The following UNC13C variants were observed in gnomAD, a reference collection of about 807,000 sequenced individuals.
The protein encoded by UNC13C is unc-13 homolog C.
Under a neutral mutation model 245.4 loss-of-function variants are expected in UNC13C, and 174 were observed. That is an observed-to-expected ratio of 0.71 (90% CI 0.63 to 0.80). The LOEUF (loss-of-function observed/expected upper bound fraction) is 0.80. Among genes scored for constraint, UNC13C ranks in the 30% least tolerant of loss-of-function variants. The probability of loss-of-function intolerance (pLI) is 0.00; values close to 1 mark genes in which losing one functional copy is unlikely to be tolerated. For synonymous variants in UNC13C, 992 were observed against 895.1 expected (o/e 1.11, Z -1.93); for missense variants, 2,829 against 2,602.9 (o/e 1.09, Z -1.89).
At chr15:54,546,978 T>G (rs998473120) in intron 27 of UNC13C, 133 bp downstream of exon 27, 1 of 820,922 alleles carries the variant, frequency 1.2e-6, no homozygotes, top group African/African-American at 1.8e-5. Flanking sequence ...TTCTTAACAA[T>G]GATCATTCAA....
chr15:53,936,806 GTT>G, the UNC13C span, among the ~76,000 whole-genome samples: 2 of 152,148 alleles, frequency 1.3e-5, no homozygotes, highest in African/African-American at 4.8e-5. Flanking sequence ...TCAGTGGCCT[GTT>G]TGTTAAAGAA....
At chr15:54,198,777 G>A (rs2034435848) in intron 4 of UNC13C, among the ~76,000 whole-genome samples, 1 of 151,996 alleles carries the variant, frequency 6.6e-6, no homozygotes, top group African/African-American at 2.4e-5. Context: ...GGAAAAACAA[G>A]TGTGGTAATA....
At chr15:53,978,300 T>C (rs1893779014), upstream of UNC13C, among the ~76,000 whole-genome samples, 1 of 152,082 alleles carries the variant, frequency 6.6e-6, no homozygotes, top group Non-Finnish European at 1.5e-5. Flanking sequence ...AGGCCACACC[T>C]GGCAGTGGCT....
intron 4 of UNC13C, among the ~76,000 whole-genome samples, chr15:54,232,835 T>C (rs577950257): frequency 6.2e-4 from 95 of 152,264 alleles, no homozygotes; most frequent in Middle Eastern, 3.4e-3. Flanking sequence ...CTTGGAATGA[T>C]AGCCTAATAT....
intron 4 of UNC13C, among the ~76,000 whole-genome samples, chr15:54,159,312 C>T (rs1814348): frequency 0.64 from 97,201 of 152,076 alleles, 32,737 homozygotes; most frequent in Non-Finnish European, 0.75. Flanking sequence ...CAGTAAATAT[C>T]TTACACAGAC....
chr15:53,858,549 T>C, the UNC13C span, among the ~76,000 whole-genome samples: 1 of 152,098 alleles, frequency 6.6e-6, no homozygotes, highest in Non-Finnish European at 1.5e-5. Context: ...GCCTTCTGAC[T>C]AGCTGGGATT....
intron 4 of UNC13C, among the ~76,000 whole-genome samples, chr15:54,232,444 A>G (rs893526878): frequency 2.6e-5 from 4 of 152,156 alleles, no homozygotes; most frequent in Admixed American, 6.5e-5. Context: ...GTCAGGCCCA[A>G]TAATGCACAT....
chr15:54,473,009 C>T (rs868302916), intron 19 of UNC13C, among the ~76,000 whole-genome samples: 8 of 151,604 alleles, frequency 5.3e-5, no homozygotes, highest in African/African-American at 1.9e-4. Flanking sequence ...TCTTTTCCCT[C>T]TCTCCCCCAC....
intron 18 of UNC13C, among the ~76,000 whole-genome samples, chr15:54,400,122 C>T (rs905222626): frequency 1.3e-5 from 2 of 151,916 alleles, no homozygotes; most frequent in Non-Finnish European, 2.9e-5. Context: ...TCTATCATTT[C>T]ATCCCTTCTT....
chr15:54,282,833 G>A (rs2037034547), intron 10 of UNC13C, among the ~76,000 whole-genome samples: 1 of 152,090 alleles, frequency 6.6e-6, no homozygotes, highest in Admixed American at 6.5e-5. Context: ...GCTAGAGAGG[G>A]GACAGGAAGT....
chr15:54,014,298 C>G lies in UNC13C; in HGVS notation c.1395C>G (p.Tyr465Ter), dbSNP rs375949452. The G allele has an allele frequency of 6.2e-7, 1 of 1,613,924 alleles. No homozygotes were observed. The highest frequency in any genetic ancestry group is 8.5e-7 in the Non-Finnish European group (1 of 1,179,850). The change falls in exon 2 of 33, where the codon TAC becomes TAG. Residue 465 changes from tyrosine (Y) to a stop codon, truncating the protein, a stop_gained. Coordinates refer to ENST00000260323, the MANE Select transcript of UNC13C (RefSeq NM_001080534.3). LOFTEE classifies it high-confidence loss of function. Reference sequence around the variant, plus strand: ...AATCTGACCTCAATAGAAACAGTTACGCTGTGCTTTCCAAGTCAGAGCTTC... The same window carrying G: ...AATCTGACCTCAATAGAAACAGTTAGGCTGTGCTTTCCAAGTCAGAGCTTC... The part of the protein sequence containing the change: ...DLESDLNRNS[Y>*]AVLSKSELLT...
rs116417795 is a variant in UNC13C, at chr15:54,235,223, A to T, written c.3150+115A>T. 4,030 of 805,656 alleles carry T rather than the reference A, an allele frequency of 5.0e-3. 118 individuals carry two copies. In the African/African-American group the frequency reaches 0.063, roughly 13 times the overall value. 49.9% of individuals were successfully genotyped at this position (805,656 alleles called of 1,614,324 possible). A position where few individuals can be genotyped will look rare whatever the true frequency, so the allele number is the denominator to read the frequency against. On this transcript the variant is annotated intron_variant, in intron 5 of 32. Coordinates refer to ENST00000260323, the MANE Select transcript of UNC13C (RefSeq NM_001080534.3). ...TGTAAATATTCCATGGAATAAAAATATATGAGGCCAGATGCTACCTGCTGT... is the reference window on the plus strand; with the variant it reads ...TGTAAATATTCCATGGAATAAAAATTTATGAGGCCAGATGCTACCTGCTGT...
At chr15:54,358,914 C>G (rs1470353410) in intron 17 of UNC13C, among the ~76,000 whole-genome samples, 1 of 151,932 alleles carries the variant, frequency 6.6e-6, no homozygotes, top group Non-Finnish European at 1.5e-5. Context: ...CAAATGCTCC[C>G]AACTTTTCCT....
At chr15:54,415,906 T>A (rs1567252993) in intron 19 of UNC13C, among the ~76,000 whole-genome samples, 2 of 152,264 alleles carry the variant, frequency 1.3e-5, no homozygotes, top group South Asian at 4.2e-4. Flanking sequence ...AAGGCAGGCT[T>A]ACTATGGGAA....
chr15:54,421,919 G>A (rs752693203), intron 19 of UNC13C, among the ~76,000 whole-genome samples: 1 of 151,904 alleles, frequency 6.6e-6, no homozygotes, highest in Non-Finnish European at 1.5e-5. Flanking sequence ...AACACAACAG[G>A]CATGATCCCT....
At chr15:54,406,823 C>T (rs1360805372) in intron 18 of UNC13C, among the ~76,000 whole-genome samples, 2 of 152,104 alleles carry the variant, frequency 1.3e-5, no homozygotes, top group Non-Finnish European at 2.9e-5. Context: ...TTGAATACAA[C>T]AGAACACTTA....
intron 7 of UNC13C, among the ~76,000 whole-genome samples, chr15:54,248,552 G>A (rs2036058175): frequency 1.9e-5 from 1 of 52,264 alleles, no homozygotes; most frequent in Non-Finnish European, 3.1e-5. Context: ...ATGAAGCCAG[G>A]AGATTTACTT....
intron 8 of UNC13C, among the ~76,000 whole-genome samples, chr15:54,254,457 C>T (rs1418568873): frequency 6.6e-6 from 1 of 152,164 alleles, no homozygotes; most frequent in African/African-American, 2.4e-5. Context: ...TTCCTTTTAT[C>T]CACTGCTACT....
intron 10 of UNC13C, among the ~76,000 whole-genome samples, chr15:54,282,394 A>G (rs2037021115): frequency 1.3e-5 from 2 of 152,140 alleles, no homozygotes; most frequent in Admixed American, 1.3e-4. Flanking sequence ...CACTGCGCTC[A>G]ACCTCTTGCA....
Sources: gnomAD v4.1 joint callset for allele counts (sites outside exome capture counted in the v4.1 genomes callset) on GRCh38, gnomAD v4.1.1 for gene constraint, MANE v1.5 for transcripts, NCBI Gene and HGNC (gene_info 2026-07-23, HGNC 2026-07-21) for gene names.